The following GBP5 variants were observed in gnomAD, a reference collection of about 807,000 sequenced individuals.
The protein encoded by GBP5 is guanylate binding protein 5.
In GBP5, 48 loss-of-function variants were observed where a neutral mutation model predicts 58.2. The observed-to-expected ratio is 0.83, with a 90% CI of 0.65 to 1.05. The LOEUF is 1.05. Among genes scored for constraint, GBP5 ranks in the 50% least tolerant of loss-of-function variants. The probability of loss-of-function intolerance (pLI) is 0.00; values close to 1 mark genes in which losing one functional copy is unlikely to be tolerated. For synonymous variants in GBP5, 248 were observed against 251.8 expected (o/e 0.98, Z 0.14); for missense variants, 714 against 686.8 (o/e 1.04, Z -0.44).
chr1:89,257,716 A>G lies in GBP5; in HGVS notation c.*2988T>C, dbSNP rs1340204319. 6.6e-6 allele frequency among the ~76,000 whole-genome samples: 1 copy of G among 152,206 alleles called. No individual in the cohort carries two copies. Among genetic ancestry groups the G allele is most frequent in the Non-Finnish European group, 1.5e-5 (1 of 68,028 alleles). ...TAAAGTGATCCATAATAAATTCCAAATATCTCTTAGCTGGTATGAATAACT... is the reference window on the plus strand; with the variant it reads ...TAAAGTGATCCATAATAAATTCCAAGTATCTCTTAGCTGGTATGAATAACT... On this transcript the variant is annotated 3_prime_UTR_variant, in exon 12 of 12. Coordinates refer to ENST00000370459, the MANE Select transcript of GBP5 (RefSeq NM_052942.5).
At position 89,262,330 on chromosome 1, in the gene GBP5, G is replaced by A. The variant is rs1400614635; in HGVS notation, c.1537C>T (p.Gln513Ter). 1 of 1,614,020 alleles carries A rather than the reference G, an allele frequency of 6.2e-7. No individual in the cohort carries two copies. The highest frequency in any genetic ancestry group is 8.5e-7 in the Non-Finnish European group (1 of 1,179,952). ...RLAAIQRQNE[Q>*]MMQERERLHQ... ...AGTCTCTCCCTCTCCTGCATCATTT[G>A]CTCGTTCTGCCTTTGAATCGCCGCC... Residue 513 changes from glutamine (Q) to a stop codon, truncating the protein, a stop_gained, in exon 11 of 12, where the codon CAA becomes TAA. Coordinates refer to ENST00000370459, the MANE Select transcript of GBP5 (RefSeq NM_052942.5). LOFTEE classifies it high-confidence loss of function.
chr1:89,266,404 G>T lies in GBP5; in HGVS notation c.810C>A (p.Tyr270Ter), dbSNP rs544359636. ...TCTTGGTCATAGAATGGCTAAAGAT[G>T]TAGGAACAGAATTCTGTCACTTGTT... ...FVQQVTEFCS[Y>*]IFSHSMTKTL... Residue 270 changes from tyrosine (Y) to a stop codon, truncating the protein, a stop_gained, in exon 7 of 12, where the codon TAC (tyrosine) becomes TAA (stop). Coordinates refer to ENST00000370459, the MANE Select transcript of GBP5 (RefSeq NM_052942.5). LOFTEE classifies it high-confidence loss of function. The T allele has an allele frequency of 6.2e-7, 1 of 1,613,548 alleles. No individual in the cohort carries two copies. The highest frequency in any genetic ancestry group is 1.1e-5 in the South Asian group (1 of 91,084).
At chr1:89,260,858 T>C (rs372432513) in intron 11 of GBP5, 41 bp from the exon 12 acceptor site, 9 of 1,427,410 alleles carry the variant, frequency 6.3e-6, no homozygotes, top group South Asian at 4.6e-5. Flanking sequence ...AGCTTCTTAC[T>C]GATTGCCTAA....
chr1:89,272,193 A>C (rs1441632525), intron 1 of GBP5: 1 of 152,230 alleles, frequency 6.6e-6, no homozygotes, highest in African/African-American at 2.4e-5. Context: ...ATAAGTCATA[A>C]AATTGCAAAG....
intron 6 of GBP5, 80 bp downstream of exon 6, chr1:89,266,876 TA>T (rs1383191533): frequency 7.1e-6 from 7 of 987,240 alleles, no homozygotes; most frequent in Non-Finnish European, 9.0e-6. Context: ...TAGAAAACCA[TA>T]AATTTAACCA....
Position 89,267,230 on chromosome 1 carries a change from CT to C in GBP5, c.429-78del. 4 of 1,267,016 alleles carry C rather than the reference CT, an allele frequency of 3.2e-6. No individual in the cohort carries two copies. The South Asian group carries it at 5.8e-5, about 18-fold the overall frequency. The allele number at this position is 1,267,016 out of a possible 1,614,324, so 78.5% of individuals were successfully genotyped here. A position where few individuals can be genotyped will look rare whatever the true frequency, so the allele number is the denominator to read the frequency against. On this transcript the variant is annotated intron_variant, in intron 5 of 11. Coordinates refer to ENST00000370459, the MANE Select transcript of GBP5 (RefSeq NM_052942.5). ...TACTTAATTCCATTTTCCCCCAAAC[CT>C]TTATTTTCCCCTACGAGTCTTAACC...
chr1:89,267,321 T>A (rs777104228), intron 5 of GBP5, 96 bp downstream of exon 5: 26 of 1,039,794 alleles, frequency 2.5e-5, no homozygotes, highest in Non-Finnish European at 3.5e-5. Context: ...TTATCACGTT[T>A]CCATTTTTGT....
In GBP5 at chr1:89,257,723, T is replaced by C. The variant is rs972128774; in HGVS notation, c.*2981A>G. Among the ~76,000 whole-genome samples, 1 of 152,334 alleles carries C rather than the reference T, an allele frequency of 6.6e-6. No individual in the cohort carries two copies. Among genetic ancestry groups the C allele is most frequent in the Admixed American group, 6.5e-5 (1 of 15,304 alleles). ...ATCCATAATAAATTCCAAATATCTC[T>C]TAGCTGGTATGAATAACTATTCATA... On this transcript the variant is annotated 3_prime_UTR_variant, in exon 12 of 12. Coordinates refer to ENST00000370459, the MANE Select transcript of GBP5 (RefSeq NM_052942.5).
At position 89,266,424 on chromosome 1, in the gene GBP5, C is replaced by T. The variant is rs1271062011; in HGVS notation, c.790G>A (p.Val264Met). 6.2e-7 allele frequency: 1 copy of T among 1,614,136 alleles called. No individual in the cohort carries two copies. The change falls in exon 7 of 12, where the codon GTG becomes ATG. Residue 264 changes from valine to methionine, a missense_variant. By Grantham distance (21) the Val-to-Met change is conservative. Coordinates refer to ENST00000370459, the MANE Select transcript of GBP5 (RefSeq NM_052942.5). ...DELEPEFVQQ[V>M]TEFCSYIFSH... is the part of the protein sequence containing the mutation. Reference sequence around the variant, plus strand: ...AAGATGTAGGAACAGAATTCTGTCACTTGTTGCACAAATTCAGGCTCTAGC... The same window carrying T: ...AAGATGTAGGAACAGAATTCTGTCATTTGTTGCACAAATTCAGGCTCTAGC...
chr1:89,269,411 T>C lies in GBP5; in HGVS notation c.145A>G (p.Thr49Ala), dbSNP rs1557505437. The C allele has an allele frequency of 6.2e-7, 1 of 1,614,132 alleles. No homozygotes were observed. The highest frequency in any genetic ancestry group is 8.5e-7 in the Non-Finnish European group (1 of 1,180,006). The change falls in exon 3 of 12, where the codon ACT (threonine) becomes GCT (alanine). Residue 49 changes from threonine (T) to alanine (A), a missense_variant. Coordinates refer to ENST00000370459, the MANE Select transcript of GBP5 (RefSeq NM_052942.5). Reference protein sequence around the residue: ...VVVAIVGLYRTGKSYLMNKLA... With the variant: ...VVVAIVGLYRAGKSYLMNKLA... ...TTGTTCATCAGGTAGGATTTGCCAGTGCGATAGAGGCCCACAATCGCTACC... is the reference window on the plus strand; with the variant it reads ...TTGTTCATCAGGTAGGATTTGCCAGCGCGATAGAGGCCCACAATCGCTACC...
rs189537652 is a variant in GBP5 at position 89,263,389 on chromosome 1, T to G, written c.1362+347A>C. On this transcript the variant is annotated intron_variant, in intron 9 of 11. Coordinates refer to ENST00000370459, the MANE Select transcript of GBP5 (RefSeq NM_052942.5). Reference sequence around the variant, plus strand: ...TTTGCTTTTAGTTTGTGTAAGCCAATGAATTACTGGTGTTTCTTAGGTTAG... The same window carrying G: ...TTTGCTTTTAGTTTGTGTAAGCCAAGGAATTACTGGTGTTTCTTAGGTTAG... 10 of 203,594 alleles carry G rather than the reference T, an allele frequency of 4.9e-5. No homozygotes were observed. In the East Asian group the frequency reaches 1.1e-3, roughly 23 times the overall value. The allele number at this position is 203,594 out of a possible 1,614,324, so 12.6% of individuals were successfully genotyped here.
In GBP5 at chr1:89,268,748, C is replaced by T; in HGVS notation, c.299G>A (p.Gly100Asp). The change falls in exon 4 of 12, where the codon GGC becomes GAC. Residue 100 changes from glycine (G) to aspartate (D), a missense_variant. Coordinates refer to ENST00000370459, the MANE Select transcript of GBP5 (RefSeq NM_052942.5). ...CCTTACCTTCTCTACATCTCCCAGG[C>T]CCTCGGTGTCAAGCAGAACTAATGT... ...NHTLVLLDTE[G>D]LGDVEKADNK... 1 of 1,613,938 alleles carries T rather than the reference C, an allele frequency of 6.2e-7. No homozygotes were observed. The highest frequency in any genetic ancestry group is 8.5e-7 in the Non-Finnish European group (1 of 1,179,944).
rs1480563808 is a variant in GBP5, at chr1:89,262,370, A to C, written c.1497T>G (p.Ala499=). The C allele has an allele frequency of 6.2e-7, 1 of 1,614,004 alleles. No homozygotes were observed. Among genetic ancestry groups the C allele is most frequent in the Non-Finnish European group, 8.5e-7 (1 of 1,179,992 alleles). ...EAQVKAEAEK[A]EAQRLAAIQR... ...GAATCGCCGCCAACCTTTGCGCTTC[A>C]GCCTTTTCAGCTTCTGCTTTCACTT... Residue 499 remains alanine (A), a synonymous_variant, in exon 11 of 12, where the codon GCT becomes GCG. Transcript: ENST00000370459.
rs759276087 is a variant in GBP5 at position 89,264,836 on chromosome 1, A to G, written c.999T>C (p.Tyr333=). Reference sequence around the variant, plus strand: ...GCACTTTCTGGCCCATTTGCTGGTCATAGTGGGCAATGGCCTTTTGCACTG... The same window carrying G: ...GCACTTTCTGGCCCATTTGCTGGTCGTAGTGGGCAATGGCCTTTTGCACTG... ...SAAVQKAIAH[Y]DQQMGQKVQL... Residue 333 remains tyrosine (Y), a synonymous_variant, in exon 8 of 12, where the codon TAT becomes TAC. Coordinates refer to ENST00000370459, the MANE Select transcript of GBP5 (RefSeq NM_052942.5). 2.5e-6 allele frequency: 4 copies of G among 1,614,222 alleles called. No homozygotes were observed. Among genetic ancestry groups the G allele is most frequent in the East Asian group, 2.2e-5 (1 of 44,884 alleles).
rs1390876083 is a variant in GBP5 at position 89,259,980 on chromosome 1, C to G, written c.*724G>C. ...GACTTTGGGTCTTCTTGTCCTTTCT[C>G]TTGGCTAACCTTATAAGCCCATGTG... On this transcript the variant is annotated 3_prime_UTR_variant, in exon 12 of 12. Transcript: ENST00000370459. 1 of 152,278 alleles carries G rather than the reference C, an allele frequency of 6.6e-6. No homozygotes were observed. Among genetic ancestry groups the G allele is most frequent in the Non-Finnish European group, 1.5e-5 (1 of 68,106 alleles). 9.4% of individuals were successfully genotyped at this position (152,278 alleles called of 1,614,324 possible). A position where few individuals can be genotyped will look rare whatever the true frequency, so the allele number is the denominator to read the frequency against.
chr1:89,264,899 A>C lies in GBP5; in HGVS notation c.936T>G (p.Asn312Lys), dbSNP rs1650150433. ...CTCTCTGAGCCAAGGCCAGGACTGC[A>C]TTCTCTATGCAAGGCAGATCCCCAC... The part of the protein sequence containing the change: ...ISSGDLPCIE[N>K]AVLALAQREN... The change falls in exon 8 of 12, where the codon AAT becomes AAG. Residue 312 changes from asparagine to lysine, a missense_variant. Asn to Lys is a moderately conservative substitution (Grantham distance 94, BLOSUM62 0). Transcript: ENST00000370459. The C allele has an allele frequency of 1.2e-6, 2 of 1,614,224 alleles. No individual in the cohort carries two copies. The highest frequency in any genetic ancestry group is 1.7e-6 in the Non-Finnish European group (2 of 1,180,032).
At chr1:89,271,102 T>C (rs910036140) in intron 1 of GBP5, 1 of 152,240 alleles carries the variant, frequency 6.6e-6, no homozygotes, top group Non-Finnish European at 1.5e-5. Context: ...TTCTAAAACA[T>C]TATTGCAGAT....
Position 89,257,248 on chromosome 1 carries a change from G to A in GBP5, c.*3456C>T, listed in dbSNP as rs1649815709. On this transcript the variant is annotated 3_prime_UTR_variant, in exon 12 of 12. Coordinates refer to ENST00000370459, the MANE Select transcript of GBP5 (RefSeq NM_052942.5). Reference sequence around the variant, plus strand: ...GAGGAACAAAGGCACATCTTACATGGTGTCAGGCAAGAGAGCATGTGCAGG... The same window carrying A: ...GAGGAACAAAGGCACATCTTACATGATGTCAGGCAAGAGAGCATGTGCAGG... Among the ~76,000 whole-genome samples the A allele has an allele frequency of 6.6e-6, 1 of 152,184 alleles. No individual in the cohort carries two copies. Among genetic ancestry groups the A allele is most frequent in the Non-Finnish European group, 1.5e-5 (1 of 68,036 alleles).
chr1:89,260,871 C>T (rs1303643193), intron 11 of GBP5, 54 bp from the exon 12 acceptor site: 1 of 1,259,098 alleles, frequency 7.9e-7, no homozygotes, highest in African/African-American at 1.5e-5. Context: ...TTGCCTAAAT[C>T]ACTCACTTGT....
Sources: gnomAD v4.1 joint callset for allele counts (sites outside exome capture counted in the v4.1 genomes callset) on GRCh38, gnomAD v4.1.1 for gene constraint, MANE v1.5 for transcripts, NCBI Gene and HGNC (gene_info 2026-07-23, HGNC 2026-07-21) for gene names.